ADGRL1: variants seen among roughly 807,000 people sequenced by gnomAD.
The protein encoded by ADGRL1 is CIRL-1.
ADGRL1 carries 31 observed loss-of-function variants against 148.9 expected under a neutral mutation model. The ratio of observed to expected loss-of-function variants is 0.21; its 90% CI spans 0.16 to 0.28. The LOEUF is 0.28. Among genes scored for constraint, ADGRL1 ranks in the 10% least tolerant of loss-of-function variants. The pLI, the probability that ADGRL1 is intolerant of heterozygous loss-of-function variation, is 1.00. For missense variants in ADGRL1, 1,521 were observed against 2,058.8 expected, an observed-to-expected ratio of 0.74 and a Z score of 5.05; for synonymous variants, 937 against 900.3, an observed-to-expected ratio of 1.04 and a Z score of -0.73.
chr19:14,172,516 G>T (rs991132894), intron 3 of ADGRL1, among the ~76,000 whole-genome samples: 2 of 152,006 alleles, frequency 1.3e-5, no homozygotes, highest in Middle Eastern at 3.2e-3. Flanking sequence ...GTGGTGGATG[G>T]ATCACTTGAA....
At position 14,162,193 on chromosome 19, in the gene ADGRL1, C is replaced by T. The variant is rs1022478093; in HGVS notation, c.1195+413G>A. ...GAAGACTGCAGAGTTGCCCTCAGCC[C>T]GGTCAGCATCAGCAGCTCAGCTCTT... is the stretch of plus-strand genomic sequence containing the variant. On this transcript the variant is annotated intron_variant, in intron 5 of 22. Transcript: ENST00000361434. This position sits in a 1 kb window ranked among gnomAD's most constrained non-coding sequence, Gnocchi z 5.4. Among the ~76,000 whole-genome samples the T allele has an allele frequency of 1.3e-5, 2 of 152,172 alleles. No individual in the cohort carries two copies. The highest frequency in any genetic ancestry group is 2.9e-5 in the Non-Finnish European group (2 of 68,006).
chr19:14,177,444 A>C, intron 3 of ADGRL1, 87 bp downstream of exon 3: 1 of 1,251,198 alleles, frequency 8.0e-7, no homozygotes, highest in Non-Finnish European at 1.2e-6. Context: ...CATAAAAAAA[A>C]GATGTAAGGT....
At chr19:14,158,254 G>A (rs1968969878) in intron 12 of ADGRL1, 84 bp downstream of exon 12, 4 of 1,405,358 alleles carry the variant, frequency 2.8e-6, no homozygotes, top group Non-Finnish European at 4.0e-6. Flanking sequence ...TTCTGGAGGT[G>A]AGCACATGGA....
chr19:14,150,728 G>A lies in ADGRL1; in HGVS notation c.*145C>T, dbSNP rs1435039974. On this transcript the variant is annotated 3_prime_UTR_variant, in exon 23 of 23. Transcript: ENST00000361434. ...AGGCCCCCAGGTTAGAGTCCCCTGA[G>A]GGGACTGTAGGGCCCATGGCTGAGG... 11 of 969,146 alleles carry A rather than the reference G, an allele frequency of 1.1e-5. No homozygotes were observed. Among genetic ancestry groups the A allele is most frequent in the African/African-American group, 3.3e-5 (2 of 59,940 alleles). 60.0% of individuals were successfully genotyped at this position (969,146 alleles called of 1,614,324 possible).
chr19:14,178,636 C>T (rs887825016), intron 2 of ADGRL1, among the ~76,000 whole-genome samples: 1 of 152,136 alleles, frequency 6.6e-6, no homozygotes, highest in Non-Finnish European at 1.5e-5. Context: ...CCTGCCTCAA[C>T]CTCCCAAGTA....
At chr19:14,180,301 G>C (rs146403592) in intron 2 of ADGRL1, among the ~76,000 whole-genome samples, 1 of 152,150 alleles carries the variant, frequency 6.6e-6, no homozygotes, top group South Asian at 2.1e-4. Context: ...TGTCACCCAG[G>C]CTGGAGTGGA....
chr19:14,166,577 A>G (rs1041045159), intron 4 of ADGRL1, among the ~76,000 whole-genome samples: 2 of 148,834 alleles, frequency 1.3e-5, no homozygotes, highest in Non-Finnish European at 3.0e-5. Flanking sequence ...AGAGAGAGAG[A>G]GAGAAAGAGA....
In ADGRL1 at chr19:14,151,225, A is replaced by C. The variant is rs1753562074; in HGVS notation, c.4058T>G (p.Leu1353Arg). The change falls in exon 23 of 23, where the codon CTG becomes CGG. Residue 1353 changes from leucine to arginine, a missense_variant. Around this residue, in one of 8 missense-constraint regions of ADGRL1, gnomAD observed 390 missense variants for 375.0 expected, o/e 1.04. Coordinates refer to ENST00000361434, the MANE Select transcript of ADGRL1 (RefSeq NM_014921.5). ...GGCCGTGCAGCTCTCCGACTCGTCC[A>C]GATCGCTCTGGTACAGCACCGACTG... ...RAQSVLYQSD[L>R]DESESCTAED... 1 of 1,611,986 alleles carries C rather than the reference A, an allele frequency of 6.2e-7. No individual in the cohort carries two copies. Among genetic ancestry groups the C allele is most frequent in the Non-Finnish European group, 8.5e-7 (1 of 1,179,682 alleles).
chr19:14,165,482 G>C (rs1969868482), intron 4 of ADGRL1, among the ~76,000 whole-genome samples: 1 of 152,132 alleles, frequency 6.6e-6, no homozygotes, highest in Non-Finnish European at 1.5e-5. Context: ...CAGGGGAAGG[G>C]GGAGAAGATG....
At chr19:14,185,704 A>G (rs1971537237) in intron 1 of ADGRL1, among the ~76,000 whole-genome samples, 1 of 152,198 alleles carries the variant, frequency 6.6e-6, no homozygotes, top group African/African-American at 2.4e-5. Flanking sequence ...TCTCAGTACC[A>G]TCATTGAGCC....
rs1969072638 is a variant in ADGRL1, at chr19:14,159,053, C to T, written c.2149+37G>A. 1 of 1,610,010 alleles carries T rather than the reference C, an allele frequency of 6.2e-7. No homozygotes were observed. The highest frequency in any genetic ancestry group is 1.1e-5 in the South Asian group (1 of 90,912). ...ACAGAGCTGGGGGGTGGGGGTGGGG[C>T]TGCTTCCCCACCCGAGGCCCCGCCG... On this transcript the variant is annotated intron_variant, in intron 11 of 22. Transcript: ENST00000361434. The surrounding 1 kb of genome is among the most constrained non-coding windows in gnomAD (Gnocchi z 6.0).
intron 16 of ADGRL1, among the ~76,000 whole-genome samples, chr19:14,156,451 A>G (rs1388208709): frequency 6.6e-6 from 1 of 151,926 alleles, no homozygotes; most frequent in Non-Finnish European, 1.5e-5. Context: ...CTCAAATCAC[A>G]GCCCCCCAGG....
rs931391613 is a variant in ADGRL1 at position 14,159,464 on chromosome 19, C to T, written c.1960G>A (p.Ala654Thr). The stretch of plus-strand genomic sequence containing the variant: ...CTGACATTGTCGGCCAGCAGGAAGG[C>T]GCCCTCCTCCAGGACGTCGAGGAGC... ...TMLLDVLEEG[A>T]FLLADNVREP... The change falls in exon 10 of 23, where the codon GCC becomes ACC. Residue 654 changes from alanine to threonine, a missense_variant. Transcript: ENST00000361434. This position sits in a 1 kb window ranked among gnomAD's most constrained non-coding sequence, Gnocchi z 6.0. 6 of 1,613,180 alleles carry T rather than the reference C, an allele frequency of 3.7e-6. No homozygotes were observed. Among genetic ancestry groups the T allele is most frequent in the Non-Finnish European group, 4.2e-6 (5 of 1,179,752 alleles).
At chr19:14,168,490 T>C (rs1475676488) in intron 4 of ADGRL1, among the ~76,000 whole-genome samples, 1 of 152,036 alleles carries the variant, frequency 6.6e-6, no homozygotes, top group Admixed American at 6.6e-5. Flanking sequence ...CTATCTCTCT[T>C]CCATCAGACA....
At position 14,157,756 on chromosome 19, in the gene ADGRL1, AC is replaced by A. The variant is rs1968917619; in HGVS notation, c.2535+125del. The A allele has an allele frequency of 8.4e-7, 1 of 1,195,014 alleles. No individual in the cohort carries two copies. The highest frequency in any genetic ancestry group is 1.5e-5 in the African/African-American group (1 of 65,316). 74.0% of individuals were successfully genotyped at this position (1,195,014 alleles called of 1,614,324 possible). ...CGCATGGCCTCATGCCCCAGGCAAGACCAGGGGCCCCCCACACCCATGGGGC... is the reference window on the plus strand; with the variant it reads ...CGCATGGCCTCATGCCCCAGGCAAGACAGGGGCCCCCCACACCCATGGGGC... On this transcript the variant is annotated intron_variant, in intron 13 of 22. Transcript: ENST00000361434. This position sits in a 1 kb window ranked among gnomAD's most constrained non-coding sequence, Gnocchi z 7.5.
intron 3 of ADGRL1, among the ~76,000 whole-genome samples, chr19:14,174,837 GTTTTT>G (rs34608406): frequency 1.8e-5 from 2 of 110,576 alleles, no homozygotes; most frequent in African/African-American, 3.5e-5. Flanking sequence ...CACCTGGTCT[GTTTTT>G]TTTTTTTTTT....
In ADGRL1 at chr19:14,160,703, G is replaced by C; in HGVS notation, c.1511-7C>G. Reference sequence around the variant, plus strand: ...CACTGGAAGGAGGCAATTCCTGCAGGGACAGACAGACAGGAACAGACAAGG... The same window carrying C: ...CACTGGAAGGAGGCAATTCCTGCAGCGACAGACAGACAGGAACAGACAAGG... On this transcript the variant is annotated splice_polypyrimidine_tract_variant and splice_region_variant and intron_variant, in intron 6 of 22. Coordinates refer to ENST00000361434, the MANE Select transcript of ADGRL1 (RefSeq NM_014921.5). The surrounding 1 kb of genome is among the most constrained non-coding windows in gnomAD (Gnocchi z 5.9). 6.4e-7 allele frequency: 1 copy of C among 1,561,966 alleles called. No individual in the cohort carries two copies. The highest frequency in any genetic ancestry group is 1.7e-4 in the Middle Eastern group (1 of 5,986).
At chr19:14,198,340 G>A (rs1972398380) in intron 1 of ADGRL1, among the ~76,000 whole-genome samples, 1 of 152,140 alleles carries the variant, frequency 6.6e-6, no homozygotes, top group East Asian at 1.9e-4. Context: ...TGTGTGGGGA[G>A]GGTTGCTGGG....
intron 1 of ADGRL1, among the ~76,000 whole-genome samples, chr19:14,189,278 T>C (rs1454165382): frequency 1.3e-4 from 20 of 150,316 alleles, no homozygotes; most frequent in South Asian, 1.3e-3. Context: ...TGGAGTGCCG[T>C]GGCCCAATCT....
Sources: gnomAD v4.1 joint callset for allele counts (sites outside exome capture counted in the v4.1 genomes callset) on GRCh38, gnomAD v4.1.1 for gene constraint, gnomAD v4.1.1 regional missense constraint, Gnocchi (gnomAD v3.1) non-coding constraint, MANE v1.5 for transcripts, NCBI Gene and HGNC (gene_info 2026-07-23, HGNC 2026-07-21) for gene names.